The following SEPTIN6 variants were observed in gnomAD, a reference collection of about 807,000 sequenced individuals.
The protein encoded by SEPTIN6 is septin 6.
In SEPTIN6, 8 loss-of-function variants were observed where a neutral mutation model predicts 33.6. The ratio of observed to expected loss-of-function variants is 0.24; its 90% CI spans 0.14 to 0.43. SEPTIN6 has a LOEUF of 0.43. Ranked by LOEUF, SEPTIN6 falls within the 20% of genes least tolerant of loss-of-function variation. SEPTIN6 has a pLI of 1.00. For missense variants in SEPTIN6, 250 were observed against 340.8 expected (o/e 0.73, Z 2.10); for synonymous variants, 131 against 140.0 (o/e 0.94, Z 0.45).
Position 119,690,723 on chromosome X carries a change from CAAAAAA to C in SEPTIN6, c.30+2347_30+2352del, listed in dbSNP as rs772333455. 6.6e-3 allele frequency among the ~76,000 whole-genome samples: 152 copies of C among 23,037 alleles called. 1 individual carries two copies. Among genetic ancestry groups the C allele is most frequent in the African/African-American group, 0.02 (146 of 7,459 alleles). 20.0% of individuals were successfully genotyped at this position (23,037 alleles called of 115,157 possible). On this transcript the variant is annotated intron_variant, in intron 1 of 10. Coordinates refer to ENST00000394610, the MANE Select transcript of SEPTIN6 (RefSeq NM_145799.4). Reference sequence around the variant, plus strand: ...TGGGCAACAGAGCAAGACTCCGTCTCAAAAAAAAAAAAAAAAAAAAAAAAGAATTCC... The same window carrying C: ...TGGGCAACAGAGCAAGACTCCGTCTCAAAAAAAAAAAAAAAAAAGAATTCC...
Position 119,631,668 on chromosome X carries a change from C to T in SEPTIN6, c.1089+1692G>A, listed in dbSNP as rs141215596. 3.6e-4 allele frequency among the ~76,000 whole-genome samples: 40 copies of T among 109,898 alleles called. No homozygotes were observed. In the East Asian group the frequency reaches 0.012, roughly 32 times the overall value. On this transcript the variant is annotated intron_variant, in intron 8 of 10. Transcript: ENST00000394610. ...CACGCAGGCTGGAATGCAGTGGCCT[C>T]GATCTCTCGGCTGAAGCATTCCTCC...
At chrX:119,663,749 A>G (rs2054587461) in intron 2 of SEPTIN6, 72 bp from the exon 3 acceptor site, 2 of 852,795 alleles carry the variant, frequency 2.3e-6, no homozygotes, top group South Asian at 5.5e-5. Flanking sequence ...CATGTTTCAT[A>G]TACACATTTG....
Position 119,634,923 on chromosome X carries a change from C to T in SEPTIN6, c.957-1431G>A, listed in dbSNP as rs192944944. 3.8e-5 allele frequency among the ~76,000 whole-genome samples: 4 copies of T among 105,980 alleles called. No individual in the cohort carries two copies. In the East Asian group the frequency reaches 1.2e-3, roughly 31 times the overall value. The allele number at this position is 105,980 out of a possible 115,157, so 92.0% of individuals were successfully genotyped here. A position where few individuals can be genotyped will look rare whatever the true frequency, so the allele number is the denominator to read the frequency against. ...ACTGGGGAGGCTGAGGCAGGAGAAT[C>T]GCTTGAACCCGGGAAGCCAAGATTG... On this transcript the variant is annotated intron_variant, in intron 7 of 10. Transcript: ENST00000394610.
At chrX:119,638,027 T>C (rs946162627) in intron 6 of SEPTIN6, among the ~76,000 whole-genome samples, 1 of 111,646 alleles carries the variant, frequency 9.0e-6, no homozygotes, top group Non-Finnish European at 1.9e-5. Flanking sequence ...GGCAAGGTTA[T>C]GTAGCTAGTA....
rs2053691957 is a variant in SEPTIN6, at chrX:119,617,990, C to CG, written c.*2102dup. 1 of 800,484 alleles carries CG rather than the reference C, an allele frequency of 1.2e-6. No homozygotes were observed. The highest frequency in any genetic ancestry group is 7.9e-5 in the Admixed American group (1 of 12,595). 66.0% of individuals were successfully genotyped at this position (800,484 alleles called of 1,213,427 possible). ...GTTTGTAATGCAAATAATTACCGGGCGGCGGTGTGGGGAAGTGGTGGTTAC... is the reference window on the plus strand; with the variant it reads ...GTTTGTAATGCAAATAATTACCGGGCGGGCGGTGTGGGGAAGTGGTGGTTAC... On this transcript the variant is annotated 3_prime_UTR_variant, in exon 11 of 11. Transcript: ENST00000394610.
At chrX:119,642,024 C>T (rs1283039214) in intron 5 of SEPTIN6, among the ~76,000 whole-genome samples, 3 of 110,211 alleles carry the variant, frequency 2.7e-5, no homozygotes, top group East Asian at 5.7e-4. Flanking sequence ...AAGCACAGAC[C>T]CTGGCCCCGG....
chrX:119,646,850 G>T, intron 5 of SEPTIN6: 1 of 244,064 alleles, frequency 4.1e-6, no homozygotes, highest in Non-Finnish European at 9.1e-6. Flanking sequence ...TGAGGATGCA[G>T]CTTCATACAC....
chrX:119,670,271 T>G (rs754457897), intron 2 of SEPTIN6, among the ~76,000 whole-genome samples: 6 of 111,148 alleles, frequency 5.4e-5, no homozygotes, highest in Non-Finnish European at 1.1e-4. Context: ...CTAAAAAGAA[T>G]AATAGGCCAG....
chrX:119,666,636 G>C (rs146097473), intron 2 of SEPTIN6, among the ~76,000 whole-genome samples: 1,500 of 111,531 alleles, frequency 0.013, 32 homozygotes, highest in African/African-American at 0.046. Context: ...AGCCAGGTCT[G>C]ACTAACTTGG....
chrX:119,637,660 TCCATCCATCC>T (rs2054090918), intron 6 of SEPTIN6, among the ~76,000 whole-genome samples: 1 of 100,000 alleles, frequency 1.0e-5, no homozygotes, highest in African/African-American at 3.7e-5. Flanking sequence ...TATCTATCCA[TCCATCCATCC>T]ATCCATCCAT....
intron 2 of SEPTIN6, among the ~76,000 whole-genome samples, chrX:119,665,808 G>A (rs934553303): frequency 1.8e-4 from 20 of 111,062 alleles, no homozygotes; most frequent in South Asian, 3.8e-4. Flanking sequence ...AGGGCCAGGC[G>A]CGGTGGCTCA....
intron 2 of SEPTIN6, among the ~76,000 whole-genome samples, chrX:119,671,665 G>A (rs2054751481): frequency 9.1e-6 from 1 of 110,314 alleles, no homozygotes; most frequent in Admixed American, 9.6e-5. Context: ...TACTCAGGAG[G>A]CTGAGGTGGG....
At chrX:119,653,473 G>A (rs1387299800) in intron 3 of SEPTIN6, among the ~76,000 whole-genome samples, 1 of 112,689 alleles carries the variant, frequency 8.9e-6, no homozygotes, top group East Asian at 2.8e-4. Flanking sequence ...GCCTGTGAAG[G>A]GCACTTGTCT....
chrX:119,640,878 A>C (rs1569425671), intron 5 of SEPTIN6, 90 bp from the exon 6 acceptor site: 1 of 653,039 alleles, frequency 1.5e-6, no homozygotes, highest in East Asian at 3.3e-5. Flanking sequence ...CTGGGGCCCC[A>C]GGCCCTCACC....
At chrX:119,668,951 CT>C (rs1253590688) in intron 2 of SEPTIN6, among the ~76,000 whole-genome samples, 7 of 111,700 alleles carry the variant, frequency 6.3e-5, no homozygotes, top group Admixed American at 9.6e-5. Context: ...CCCTTTCCCC[CT>C]GAGTCCCCAA....
intron 10 of SEPTIN6, among the ~76,000 whole-genome samples, chrX:119,620,364 G>A (rs1402570137): frequency 1.3e-4 from 14 of 104,005 alleles, no homozygotes; most frequent in African/African-American, 4.9e-4. Context: ...TGTCACCCAG[G>A]CTGGAGTGCA....
intron 3 of SEPTIN6, among the ~76,000 whole-genome samples, chrX:119,663,135 C>G: frequency 8.9e-6 from 1 of 111,991 alleles, no homozygotes; most frequent in Non-Finnish European, 1.9e-5. Context: ...GCCTATGAGT[C>G]CCTCAAGGGC....
At chrX:119,637,591 A>ATCCATCCATCCATCCATCCAT (rs2054085218) in intron 6 of SEPTIN6, among the ~76,000 whole-genome samples, 2 of 105,725 alleles carry the variant, frequency 1.9e-5, no homozygotes, top group African/African-American at 7.0e-5. Flanking sequence ...CCATCCATCC[A>ATCCATCCATCCATCCATCCAT]CTCATCCATC....
At chrX:119,657,581 T>C (rs1156962626) in intron 3 of SEPTIN6, among the ~76,000 whole-genome samples, 2 of 111,588 alleles carry the variant, frequency 1.8e-5, no homozygotes, top group African/African-American at 6.5e-5. Flanking sequence ...GGCATGATCA[T>C]AGCTCACTGT....
Sources: allele counts gnomAD v4.1 joint callset (sites outside exome capture counted in the v4.1 genomes callset), GRCh38; gene constraint gnomAD v4.1.1; transcripts MANE v1.5; gene names NCBI Gene and HGNC (gene_info 2026-07-23, HGNC 2026-07-21).